SPON1: variants seen among roughly 807,000 people sequenced by gnomAD.
SPON1 encodes spondin-1.
A neutral mutation model predicts 111.7 loss-of-function variants in SPON1; 52 were observed. The observed-to-expected ratio is 0.47, with a 90% CI of 0.37 to 0.59. SPON1 has a LOEUF of 0.59. Ranked by LOEUF, SPON1 falls within the 20% of genes least tolerant of loss-of-function variation. The pLI is 0.00. For missense variants in SPON1, 957 were observed against 1,068.5 expected, an observed-to-expected ratio of 0.90 and a Z score of 1.46; for synonymous variants, 410 against 395.8, an observed-to-expected ratio of 1.04 and a Z score of -0.43.
chr11:14,185,136 A>T (rs1375413828), intron 6 of SPON1, among the ~76,000 whole-genome samples: 1 of 152,254 alleles, frequency 6.6e-6, no homozygotes, highest in African/African-American at 2.4e-5. Flanking sequence ...AATGCAATGC[A>T]CATGCTTTTG....
chr11:14,257,624 C>A, intron 10 of SPON1, 92 bp from the exon 11 acceptor site: 1 of 1,281,158 alleles, frequency 7.8e-7, no homozygotes, highest in Non-Finnish European at 1.0e-6. Flanking sequence ...GGCAGCATGG[C>A]TTTTCTTGTC....
chr11:14,241,595 G>C (rs1554939690), intron 6 of SPON1, among the ~76,000 whole-genome samples: 1 of 152,138 alleles, frequency 6.6e-6, no homozygotes, highest in Non-Finnish European at 1.5e-5. Flanking sequence ...TGGGCTGCTG[G>C]AGGAGGAGCA....
At chr11:14,196,418 G>C (rs934704697) in intron 6 of SPON1, among the ~76,000 whole-genome samples, 7 of 152,140 alleles carry the variant, frequency 4.6e-5, no homozygotes, top group African/African-American at 1.7e-4. Context: ...ACACAACACT[G>C]TGACGATACT....
intron 6 of SPON1, among the ~76,000 whole-genome samples, chr11:14,204,092 T>G (rs1210877849): frequency 1.3e-5 from 2 of 152,202 alleles, no homozygotes; most frequent in African/African-American, 4.8e-5. Context: ...CAAATCTGAT[T>G]GAGTCTGATT....
chr11:14,225,578 G>A (rs1848730329), intron 6 of SPON1, among the ~76,000 whole-genome samples: 3 of 152,122 alleles, frequency 2.0e-5, no homozygotes, highest in Admixed American at 2.0e-4. Flanking sequence ...ATAGTCTTGA[G>A]TTTGAAAAAT....
intron 5 of SPON1, among the ~76,000 whole-genome samples, chr11:14,121,889 A>G (rs1177030133): frequency 1.4e-5 from 2 of 144,512 alleles, no homozygotes; most frequent in South Asian, 2.2e-4. Flanking sequence ...CTAGGCTGAC[A>G]GTTTTTTTTT....
chr11:14,225,121 G>A (rs1266443642), intron 6 of SPON1, among the ~76,000 whole-genome samples: 11 of 152,250 alleles, frequency 7.2e-5, no homozygotes, highest in African/African-American at 2.6e-4. Flanking sequence ...CCAGCTGCAT[G>A]GAGGAATATA....
intron 3 of SPON1, among the ~76,000 whole-genome samples, chr11:14,057,930 T>C (rs1848759365): frequency 6.6e-6 from 1 of 151,464 alleles, no homozygotes. Context: ...GGTAAGAGGA[T>C]CACTGGAGCC....
At chr11:14,084,191 C>T (rs570252935) in intron 5 of SPON1, among the ~76,000 whole-genome samples, 7 of 151,424 alleles carry the variant, frequency 4.6e-5, no homozygotes, top group African/African-American at 9.7e-5. Flanking sequence ...AGGTTTGTTA[C>T]GTAGGTATAC....
At chr11:14,131,733 G>T (rs782014561) in intron 5 of SPON1, among the ~76,000 whole-genome samples, 1 of 152,154 alleles carries the variant, frequency 6.6e-6, no homozygotes, top group Admixed American at 6.5e-5. Context: ...TTGAATGACT[G>T]GTTTGTGGTT....
At position 14,266,052 on chromosome 11, in the gene SPON1, C is replaced by T. The variant is rs1298599810; in HGVS notation, c.*365C>T. On this transcript the variant is annotated 3_prime_UTR_variant, in exon 16 of 16. Coordinates refer to ENST00000576479, the MANE Select transcript of SPON1 (RefSeq NM_006108.4). The stretch of plus-strand genomic sequence containing the variant: ...GTGACTATGCCTGAGTCCCAGGGTG[C>T]GGCAGGTAGGAAACATTCACAGATG... The T allele has an allele frequency of 2.8e-5, 5 of 179,712 alleles. No individual in the cohort carries two copies. The highest frequency in any genetic ancestry group is 1.5e-4 in the East Asian group (1 of 6,686). 11.1% of individuals were successfully genotyped at this position (179,712 alleles called of 1,614,324 possible). A position where few individuals can be genotyped will look rare whatever the true frequency, so the allele number is the denominator to read the frequency against.
chr11:14,098,753 A>G (rs1190283629), intron 5 of SPON1, among the ~76,000 whole-genome samples: 1 of 152,018 alleles, frequency 6.6e-6, no homozygotes, highest in African/African-American at 2.4e-5. Context: ...GCAGCCAGAG[A>G]ATGATGCACT....
At chr11:14,177,166 G>A (rs538498144) in intron 6 of SPON1, among the ~76,000 whole-genome samples, 6 of 151,994 alleles carry the variant, frequency 3.9e-5, no homozygotes, top group Admixed American at 6.6e-5. Context: ...TCAGCCTCCC[G>A]AGTAGCTGGG....
chr11:14,152,633 T>G (rs953385254), intron 6 of SPON1, among the ~76,000 whole-genome samples: 9 of 152,228 alleles, frequency 5.9e-5, no homozygotes, highest in Non-Finnish European at 1.3e-4. Flanking sequence ...GTCAGTAATA[T>G]GATATAGAGA....
chr11:14,020,052 T>C (rs1037093913), intron 2 of SPON1, among the ~76,000 whole-genome samples: 1 of 152,072 alleles, frequency 6.6e-6, no homozygotes, highest in Non-Finnish European at 1.5e-5. Flanking sequence ...ATCTCTGGGG[T>C]TGGACACTGT....
intron 2 of SPON1, among the ~76,000 whole-genome samples, chr11:14,035,559 A>G (rs1187296089): frequency 6.6e-6 from 1 of 152,074 alleles, no homozygotes; most frequent in Non-Finnish European, 1.5e-5. Context: ...TATTGTGGCC[A>G]AGTCATATAG....
intron 3 of SPON1, among the ~76,000 whole-genome samples, chr11:14,065,928 T>C (rs1449381101): frequency 6.6e-6 from 1 of 152,218 alleles, no homozygotes; most frequent in African/African-American, 2.4e-5. Flanking sequence ...CACTAGTCCC[T>C]GGACTCAAGG....
chr11:14,060,859 T>C (rs552044195), intron 3 of SPON1, among the ~76,000 whole-genome samples: 1 of 152,234 alleles, frequency 6.6e-6, no homozygotes, highest in Non-Finnish European at 1.5e-5. Context: ...TAGGTCCCAG[T>C]TACTGTGCCA....
chr11:14,082,486 G>A (rs1311308746), intron 5 of SPON1, among the ~76,000 whole-genome samples: 7 of 152,094 alleles, frequency 4.6e-5, no homozygotes, highest in Non-Finnish European at 5.9e-5. Flanking sequence ...ACGTGATGAC[G>A]TGCTTATCTT....
Sources: allele counts gnomAD v4.1 joint callset (sites outside exome capture counted in the v4.1 genomes callset), GRCh38; gene constraint gnomAD v4.1.1; transcripts MANE v1.5; gene names NCBI Gene and HGNC (gene_info 2026-07-23, HGNC 2026-07-21).